The following CFAP61 variants were observed in gnomAD, a reference collection of about 807,000 sequenced individuals.
The protein encoded by CFAP61 is cilia and flagella associated protein 61.
In CFAP61, 107 loss-of-function variants were observed where a neutral mutation model predicts 135.6. That is an observed-to-expected ratio of 0.79 (90% CI 0.67 to 0.93). CFAP61 has a LOEUF of 0.93. Ranked by LOEUF, CFAP61 falls within the 40% of genes least tolerant of loss-of-function variation. The pLI is 0.00. For synonymous variants in CFAP61, 575 were observed against 578.5 expected, an observed-to-expected ratio of 0.99 and a Z score of 0.09; for missense variants, 1,507 against 1,556.2, an observed-to-expected ratio of 0.97 and a Z score of 0.53.
chr20:20,262,031 ATC>A (rs1186858989), intron 20 of CFAP61, among the ~76,000 whole-genome samples: 1 of 152,156 alleles, frequency 6.6e-6, no homozygotes, highest in Non-Finnish European at 1.5e-5. Flanking sequence ...GTAAATAATA[ATC>A]TGTTTCTTTC....
intron 17 of CFAP61, among the ~76,000 whole-genome samples, chr20:20,217,655 C>A (rs772548240): frequency 2.0e-5 from 3 of 152,192 alleles, no homozygotes; most frequent in Non-Finnish European, 4.4e-5. Flanking sequence ...TGGGCCTGAG[C>A]AAACAGCATA....
chr20:20,131,620 C>G (rs2050531833), intron 8 of CFAP61, among the ~76,000 whole-genome samples: 1 of 151,502 alleles, frequency 6.6e-6, no homozygotes, highest in African/African-American at 2.4e-5. Flanking sequence ...AATTTGTTAC[C>G]AAGTTTATTT....
In CFAP61 at chr20:20,323,170, A is replaced by G. The variant is rs181918656; in HGVS notation, c.3423-18661A>G. On this transcript the variant is annotated intron_variant, in intron 25 of 26. Coordinates refer to ENST00000245957, the MANE Select transcript of CFAP61 (RefSeq NM_015585.4). ...CTAGGCGAGGATTCTAGTTTGAGCC[A>G]GTATACCTTTAAAGAGGGCCCCATG... 9.1e-6 allele frequency: 9 copies of G among 985,482 alleles called. No individual in the cohort carries two copies. The East Asian group carries it at 1.0e-3, about 112-fold the overall frequency. The allele number at this position is 985,482 out of a possible 1,614,324, so 61.0% of individuals were successfully genotyped here.
At chr20:20,141,898 C>G (rs1237072958) in intron 8 of CFAP61, among the ~76,000 whole-genome samples, 1 of 152,140 alleles carries the variant, frequency 6.6e-6, no homozygotes, top group Non-Finnish European at 1.5e-5. Flanking sequence ...TCAGCAGGCC[C>G]AGGGTCCCTC....
At chr20:20,141,729 G>A (rs985044320) in intron 8 of CFAP61, among the ~76,000 whole-genome samples, 7 of 152,174 alleles carry the variant, frequency 4.6e-5, no homozygotes. Flanking sequence ...GCATCTGCAG[G>A]GGCCATTGTT....
chr20:20,061,764 T>C (rs2044815827), intron 2 of CFAP61, among the ~76,000 whole-genome samples: 1 of 152,212 alleles, frequency 6.6e-6, no homozygotes. Context: ...CCCCATGTTT[T>C]CTATCTTTGT....
intron 17 of CFAP61, among the ~76,000 whole-genome samples, chr20:20,219,094 C>G (rs1356575777): frequency 2.0e-5 from 3 of 152,200 alleles, no homozygotes; most frequent in African/African-American, 7.2e-5. Context: ...TTACATCTCT[C>G]TAAGGAAAGT....
At chr20:20,314,668 C>T (rs1168095518) in intron 25 of CFAP61, among the ~76,000 whole-genome samples, 5 of 138,542 alleles carry the variant, frequency 3.6e-5, no homozygotes, top group African/African-American at 5.6e-5. Context: ...GTATATCTCC[C>T]AATGCTATCC....
chr20:20,356,047 G>A (rs2059130435), intron 26 of CFAP61, among the ~76,000 whole-genome samples: 1 of 145,262 alleles, frequency 6.9e-6, no homozygotes, highest in African/African-American at 2.6e-5. Flanking sequence ...CAGGGGAGGT[G>A]GTCACACTGA....
At chr20:20,220,883 A>G (rs768554669) in intron 17 of CFAP61, among the ~76,000 whole-genome samples, 26 of 152,308 alleles carry the variant, frequency 1.7e-4, no homozygotes, top group Non-Finnish European at 2.8e-4. Context: ...TCATGGGGAT[A>G]TAGAGCTTGA....
intron 25 of CFAP61, among the ~76,000 whole-genome samples, chr20:20,308,188 GGCCAGTT>G (rs999952070): frequency 8.5e-5 from 13 of 152,294 alleles, no homozygotes; most frequent in Non-Finnish European, 1.5e-4. Context: ...TGCTGCTGTA[GGCCAGTT>G]GCATCCATGG....
At chr20:20,153,118 T>C (rs994336403) in intron 9 of CFAP61, among the ~76,000 whole-genome samples, 1 of 152,198 alleles carries the variant, frequency 6.6e-6, no homozygotes, top group African/African-American at 2.4e-5. Flanking sequence ...TGAACTTGAA[T>C]GATCTTTGGG....
At chr20:20,099,711 T>G (rs2047875231) in intron 8 of CFAP61, among the ~76,000 whole-genome samples, 1 of 152,204 alleles carries the variant, frequency 6.6e-6, no homozygotes, top group African/African-American at 2.4e-5. Flanking sequence ...ACTTGAATCT[T>G]CCTAGGGTAA....
Position 20,251,751 on chromosome 20 carries a change from G to A in CFAP61, c.2316G>A (p.Gly772=). Reference sequence around the variant, plus strand: ...ACGACCACCTCATCCTCTGCACCGGGCAGCAGTACCAGGTAAGGCCGGGCA... The same window carrying A: ...ACGACCACCTCATCCTCTGCACCGGACAGCAGTACCAGGTAAGGCCGGGCA... ...VPYDHLILCT[G]QQYQVPCPTE... Residue 772 remains glycine (G), a synonymous_variant, in exon 20 of 27, where the codon GGG becomes GGA. Transcript: ENST00000245957. The A allele has an allele frequency of 6.2e-7, 1 of 1,613,648 alleles. No homozygotes were observed.
At chr20:20,154,339 C>G (rs1022969145) in intron 9 of CFAP61, among the ~76,000 whole-genome samples, 9 of 152,056 alleles carry the variant, frequency 5.9e-5, no homozygotes, top group Admixed American at 5.9e-4. Flanking sequence ...CAACATAGTA[C>G]TTAATGTCCT....
intron 8 of CFAP61, among the ~76,000 whole-genome samples, chr20:20,114,535 C>T (rs570873178): frequency 6.6e-6 from 1 of 152,228 alleles, no homozygotes; most frequent in African/African-American, 2.4e-5. Context: ...TATTTTTACA[C>T]TATTGTAAAT....
intron 25 of CFAP61, among the ~76,000 whole-genome samples, chr20:20,299,842 T>C (rs934736160): frequency 3.9e-5 from 6 of 152,324 alleles, no homozygotes; most frequent in African/African-American, 1.4e-4. Context: ...AATCGGACGT[T>C]GTGAACACTG....
chr20:20,308,268 C>T (rs371631531), intron 25 of CFAP61, among the ~76,000 whole-genome samples: 2 of 152,274 alleles, frequency 1.3e-5, no homozygotes, highest in African/African-American at 4.8e-5. Flanking sequence ...ATGCTAATTG[C>T]CAGCCCCATT....
intron 6 of CFAP61, among the ~76,000 whole-genome samples, chr20:20,084,870 C>T (rs925359144): frequency 6.6e-6 from 1 of 152,120 alleles, no homozygotes; most frequent in African/African-American, 2.4e-5. Context: ...TGTTCAACTC[C>T]ATTTCACATG....
Sources: allele counts gnomAD v4.1 joint callset (sites outside exome capture counted in the v4.1 genomes callset), GRCh38; gene constraint gnomAD v4.1.1; transcripts MANE v1.5; gene names NCBI Gene and HGNC (gene_info 2026-07-23, HGNC 2026-07-21).